Variants in SLC29A1 observed in about 807,000 individuals in gnomAD.
The protein encoded by SLC29A1 is solute carrier family 29 member 1 (Augustine blood group).
A neutral mutation model predicts 48.3 loss-of-function variants in SLC29A1; 22 were observed. The observed-to-expected ratio is 0.46, with a 90% CI of 0.33 to 0.65. The LOEUF (loss-of-function observed/expected upper bound fraction) is 0.65, where lower values mean the gene tolerates loss of function less well. Among genes scored for constraint, SLC29A1 ranks in the 30% least tolerant of loss-of-function variants. The pLI is 0.03. For missense variants in SLC29A1, 491 were observed against 575.3 expected (o/e 0.85, Z 1.50); for synonymous variants, 228 against 231.0 (o/e 0.99, Z 0.12).
intron 1 of SLC29A1, among the ~76,000 whole-genome samples, chr6:44,225,191 G>C (rs1777221295): frequency 6.6e-6 from 1 of 152,066 alleles, no homozygotes; most frequent in South Asian, 2.1e-4. Flanking sequence ...TAGAGGAAGA[G>C]TCCCTACTAC....
chr6:44,223,547 T>G (rs1435939443), upstream of SLC29A1: 18 of 1,182,868 alleles, frequency 1.5e-5, no homozygotes, highest in Admixed American at 5.6e-4. This position sits in a 1 kb window ranked among gnomAD's most constrained non-coding sequence, Gnocchi z 5.0. Context: ...CGGGGCGAGC[T>G]CAGCGGAGGG....
In SLC29A1 at chr6:44,233,013, A is replaced by C; in HGVS notation, c.1259+7A>C. ...GCATGTGCTTCGGGCCCAAGTGAGT[A>C]GGGCTGGCAGGGAACTTGGTGGCAT... On this transcript the variant is annotated splice_region_variant and intron_variant, in intron 12 of 12. Transcript: ENST00000371755. 1 of 1,610,508 alleles carries C rather than the reference A, an allele frequency of 6.2e-7. No homozygotes were observed. Among genetic ancestry groups the C allele is most frequent in the South Asian group, 1.1e-5 (1 of 91,078 alleles).
At chr6:44,225,007 C>G (rs1298122297) in intron 1 of SLC29A1, among the ~76,000 whole-genome samples, 2 of 152,100 alleles carry the variant, frequency 1.3e-5, no homozygotes, top group Non-Finnish European at 2.9e-5. Flanking sequence ...TAGCAGGGGG[C>G]CAGGGAAGAA....
At chr6:44,226,328 G>A (rs778878580) in intron 1 of SLC29A1, among the ~76,000 whole-genome samples, 16 of 152,198 alleles carry the variant, frequency 1.1e-4, no homozygotes, top group Non-Finnish European at 1.8e-4. Context: ...GTGCCAGGGG[G>A]TCTCCCCCTA....
At chr6:44,233,281 A>C in intron 12 of SLC29A1, 136 bp from the exon 13 acceptor site, 1 of 810,226 alleles carries the variant, frequency 1.2e-6, no homozygotes, top group South Asian at 1.6e-5. Context: ...GGTTGGGGTT[A>C]GGCAGCCAGG....
Position 44,229,437 on chromosome 6 carries a change from T to G in SLC29A1, c.77T>G (p.Leu26Arg). ...LIFFMLGLGT[L>R]LPWNFFMTAT... ...TTCTTCATGCTGGGTCTGGGAACGC[T>G]GCTCCCGTGGAATTTTTTCATGACG... The change falls in exon 3 of 13, where the codon CTG (leucine) becomes CGG (arginine). Residue 26 changes from leucine to arginine, a missense_variant. Transcript: ENST00000371755. This position sits in a 1 kb window ranked among gnomAD's most constrained non-coding sequence, Gnocchi z 5.1. 1 of 1,614,182 alleles carries G rather than the reference T, an allele frequency of 6.2e-7. No individual in the cohort carries two copies. The highest frequency in any genetic ancestry group is 8.5e-7 in the Non-Finnish European group (1 of 1,180,020).
rs1252620158 is a variant in SLC29A1 at position 44,233,612 on chromosome 6, C to A, written c.*84C>A. 8.6e-7 allele frequency: 1 copy of A among 1,161,150 alleles called. No homozygotes were observed. The highest frequency in any genetic ancestry group is 1.3e-6 in the Non-Finnish European group (1 of 777,484). 71.9% of individuals were successfully genotyped at this position (1,161,150 alleles called of 1,614,324 possible). A position where few individuals can be genotyped will look rare whatever the true frequency, so the allele number is the denominator to read the frequency against. ...TCTGCCAGGGGTGATCCTGAGTGGT[C>A]TGGCGGTTTTTTCTTCTAACTGACT... On this transcript the variant is annotated 3_prime_UTR_variant, in exon 13 of 13. Transcript: ENST00000371755.
At chr6:44,220,209 G>C (rs1268841852), upstream of SLC29A1, among the ~76,000 whole-genome samples, 2 of 151,618 alleles carry the variant, frequency 1.3e-5, no homozygotes, top group Non-Finnish European at 2.9e-5. Context: ...ACCGAGTCTC[G>C]CTCTGTTGTT....
upstream of SLC29A1, among the ~76,000 whole-genome samples, chr6:44,222,165 C>G (rs1776510013): frequency 6.6e-6 from 1 of 150,586 alleles, no homozygotes; most frequent in African/African-American, 2.4e-5. Context: ...TGTGGACAGA[C>G]ATGAAGCCAC....
chr6:44,219,807 C>G, upstream of SLC29A1: 5 of 353,498 alleles, frequency 1.4e-5, no homozygotes, highest in South Asian at 2.3e-5. Context: ...GCCGGGGGGC[C>G]TGGCGGGGCG....
In SLC29A1 at chr6:44,233,438, A is replaced by G. The variant is rs748506072; in HGVS notation, c.1281A>G (p.Ala427=). 6.2e-7 allele frequency: 1 copy of G among 1,614,038 alleles called. No individual in the cohort carries two copies. Among genetic ancestry groups the G allele is most frequent in the Non-Finnish European group, 8.5e-7 (1 of 1,179,906 alleles). The part of the protein sequence containing the change: ...FGPKKVKPAE[A]ETAGAIMAFF... ...TTAGGAAAGTGAAGCCAGCTGAGGC[A>G]GAGACCGCAGGAGCCATCATGGCCT... Residue 427 remains alanine (A), a synonymous_variant, in exon 13 of 13, where the codon GCA becomes GCG. Transcript: ENST00000371755.
intron 1 of SLC29A1, chr6:44,227,052 C>A: frequency 7.4e-7 from 1 of 1,350,854 alleles, no homozygotes; most frequent in Non-Finnish European, 9.5e-7. Flanking sequence ...AGAGTCTGAG[C>A]AGGCAGGGGG....
upstream of SLC29A1, chr6:44,219,786 C>CGCGGG (rs1482993074): frequency 8.2e-7 from 1 of 1,220,566 alleles, no homozygotes; most frequent in Admixed American, 2.5e-5. Flanking sequence ...TCAGCAGGTG[C>CGCGGG]GCGGGGCGGG....
At position 44,232,360 on chromosome 6, in the gene SLC29A1, G is replaced by A. The variant is rs745723149; in HGVS notation, c.991G>A (p.Val331Met). 1 of 1,613,136 alleles carries A rather than the reference G, an allele frequency of 6.2e-7. No individual in the cohort carries two copies. ...SSTWERYFIP[V>M]SCFLTFNIFD... ...TCTTCCAGAACGTTACTTCATTCCT[G>A]TGTCCTGTTTCTTGACTTTCAATAT... The change falls in exon 11 of 13, where the codon GTG (valine) becomes ATG (methionine). Residue 331 changes from valine to methionine, a missense_variant. Transcript: ENST00000371755. The surrounding 1 kb of genome is among the most constrained non-coding windows in gnomAD (Gnocchi z 4.7).
At position 44,232,540 on chromosome 6, in the gene SLC29A1, G is replaced by A. The variant is rs1486124197; in HGVS notation, c.1059+112G>A. The A allele has an allele frequency of 1.6e-5, 12 of 753,616 alleles. No individual in the cohort carries two copies. The highest frequency in any genetic ancestry group is 1.1e-4 in the African/African-American group (6 of 56,792). The allele number at this position is 753,616 out of a possible 1,614,324, so 46.7% of individuals were successfully genotyped here. On this transcript the variant is annotated intron_variant, in intron 11 of 12. Coordinates refer to ENST00000371755, the MANE Select transcript of SLC29A1 (RefSeq NM_001372327.1). The surrounding 1 kb of genome is among the most constrained non-coding windows in gnomAD (Gnocchi z 4.7). ...TAAGGGGACCATTTGTTTTAAAGTC[G>A]AGGCATAATTTATGTATAGTTAAGT...
At position 44,229,848 on chromosome 6, in the gene SLC29A1, C is replaced by T. The variant is rs1198235327; in HGVS notation, c.314+57C>T. ...CTGACCCTCACTGTGTCCTGCACCC[C>T]CTTGGCTGAGCCCCAGCTTTGCCCA... On this transcript the variant is annotated intron_variant, in intron 4 of 12. Coordinates refer to ENST00000371755, the MANE Select transcript of SLC29A1 (RefSeq NM_001372327.1). The surrounding 1 kb of genome is among the most constrained non-coding windows in gnomAD (Gnocchi z 5.1). 1 of 1,611,304 alleles carries T rather than the reference C, an allele frequency of 6.2e-7. No individual in the cohort carries two copies. The highest frequency in any genetic ancestry group is 2.2e-5 in the East Asian group (1 of 44,868).
At position 44,232,114 on chromosome 6, in the gene SLC29A1, T is replaced by C; in HGVS notation, c.973+8T>C. On this transcript the variant is annotated splice_region_variant and intron_variant, in intron 10 of 12. Transcript: ENST00000371755. This position sits in a 1 kb window ranked among gnomAD's most constrained non-coding sequence, Gnocchi z 4.7. ...CAGGCAGCAGCACCTGGGGTGAGGA[T>C]GCCACAGGTTTCCAGGATGGGAACA... is the stretch of plus-strand genomic sequence containing the variant. 6.3e-7 allele frequency: 1 copy of C among 1,599,578 alleles called. No homozygotes were observed. Among genetic ancestry groups the C allele is most frequent in the Non-Finnish European group, 8.6e-7 (1 of 1,166,814 alleles).
upstream of SLC29A1, among the ~76,000 whole-genome samples, chr6:44,220,719 G>C (rs1776304548): frequency 6.6e-6 from 1 of 151,596 alleles, no homozygotes; most frequent in Non-Finnish European, 1.5e-5. Context: ...CAGCTACTCA[G>C]GAGGCTAAGG....
chr6:44,233,258 G>A (rs1353370142), intron 12 of SLC29A1, among the ~76,000 whole-genome samples, 159 bp from the exon 13 acceptor site: 1 of 152,150 alleles, frequency 6.6e-6, no homozygotes, highest in African/African-American at 2.4e-5. Context: ...GTTCCCTCAA[G>A]GAGGAGAAGC....
Sources: gnomAD v4.1 joint callset for allele counts (sites outside exome capture counted in the v4.1 genomes callset) on GRCh38, gnomAD v4.1.1 for gene constraint, Gnocchi (gnomAD v3.1) non-coding constraint, MANE v1.5 for transcripts, NCBI Gene and HGNC (gene_info 2026-07-23, HGNC 2026-07-21) for gene names.